SRPK2: variants seen among roughly 807,000 people sequenced by gnomAD.
SRPK2 encodes SRSF protein kinase 2, also known as SFRS protein kinase 2.
Under a neutral mutation model 90.8 loss-of-function variants are expected in SRPK2, and 21 were observed. The ratio of observed to expected loss-of-function variants is 0.23; its 90% CI spans 0.16 to 0.33. The LOEUF (loss-of-function observed/expected upper bound fraction) is 0.33, where lower values mean the gene tolerates loss of function less well. Ranked by LOEUF, SRPK2 falls within the 10% of genes least tolerant of loss-of-function variation. The pLI is 1.00. For synonymous variants in SRPK2, 288 were observed against 311.1 expected (o/e 0.93, Z 0.78); for missense variants, 620 against 869.0 (o/e 0.71, Z 3.60).
intron 2 of SRPK2, among the ~76,000 whole-genome samples, chr7:105,337,298 TAGTG>T (rs1815210881): frequency 6.6e-6 from 1 of 151,478 alleles, no homozygotes; most frequent in Admixed American, 6.6e-5. Context: ...GCATCAATGA[TAGTG>T]AGGCTCATGA....
intron 3 of SRPK2, among the ~76,000 whole-genome samples, chr7:105,178,358 GTCAA>G (rs1257182477): frequency 6.6e-6 from 1 of 152,172 alleles, no homozygotes; most frequent in African/African-American, 2.4e-5. Flanking sequence ...TTCAAAAGCA[GTCAA>G]TCAGAGAAGC....
At chr7:105,159,023 A>G (rs1191080779) in intron 7 of SRPK2, among the ~76,000 whole-genome samples, 5 of 152,170 alleles carry the variant, frequency 3.3e-5, no homozygotes, top group Non-Finnish European at 7.4e-5. Flanking sequence ...GCAAACAGAT[A>G]CAGTACTGAA....
At chr7:105,212,922 A>G (rs1285199551) in intron 2 of SRPK2, among the ~76,000 whole-genome samples, 2 of 152,194 alleles carry the variant, frequency 1.3e-5, no homozygotes, top group Admixed American at 6.5e-5. Flanking sequence ...ATTATTCCAT[A>G]AACAATTAGG....
chr7:105,171,357 T>C (rs1399499221), intron 3 of SRPK2, among the ~76,000 whole-genome samples: 2 of 152,268 alleles, frequency 1.3e-5, no homozygotes, highest in Admixed American at 1.3e-4. Flanking sequence ...TTTTTATCTA[T>C]GCTTTTTCAA....
rs1799721694 is a variant in SRPK2 at position 105,117,276 on chromosome 7, C to CA, written c.*561dup. 6.5e-6 allele frequency: 1 copy of CA among 153,656 alleles called. No homozygotes were observed. Among genetic ancestry groups the CA allele is most frequent in the Admixed American group, 6.5e-5 (1 of 15,308 alleles). 9.5% of individuals were successfully genotyped at this position (153,656 alleles called of 1,614,324 possible). A position where few individuals can be genotyped will look rare whatever the true frequency, so the allele number is the denominator to read the frequency against. ...AGTCCGCTACATGCAACATAGGCTA[C>CA]AAAGCACTCAAGACTTGGTAGCTTT... On this transcript the variant is annotated 3_prime_UTR_variant, in exon 16 of 16. Transcript: ENST00000393651.
intron 2 of SRPK2, among the ~76,000 whole-genome samples, chr7:105,283,987 G>A (rs553399306): frequency 1.3e-5 from 2 of 152,080 alleles, no homozygotes; most frequent in African/African-American, 2.4e-5. Flanking sequence ...GGGAGACAGG[G>A]ACCCTGTCTC....
chr7:105,388,775 G>C lies in SRPK2; in HGVS notation c.16+16C>G. On this transcript the variant is annotated intron_variant, in intron 1 of 15. Coordinates refer to ENST00000393651, the MANE Select transcript of SRPK2 (RefSeq NM_182692.3). ...TGGCCGCGTGGCGGGGAGAGGGCGC[G>C]CCGCGGGCCACTCACCTTTCCGGGA... 6.6e-7 allele frequency: 1 copy of C among 1,511,950 alleles called. No individual in the cohort carries two copies. The highest frequency in any genetic ancestry group is 1.2e-5 in the South Asian group (1 of 81,930). 93.7% of individuals were successfully genotyped at this position (1,511,950 alleles called of 1,614,324 possible).
At chr7:105,121,481 A>G (rs1042299079) in intron 15 of SRPK2, among the ~76,000 whole-genome samples, 3 of 152,106 alleles carry the variant, frequency 2.0e-5, no homozygotes, top group African/African-American at 7.2e-5. Context: ...TTAAAGTTCC[A>G]TTTCTAGCCT....
At chr7:105,297,505 C>T in intron 2 of SRPK2, 1 of 985,330 alleles carries the variant, frequency 1.0e-6, no homozygotes, top group Non-Finnish European at 1.2e-6. Flanking sequence ...TATCAACATC[C>T]TACAGCCCAT....
intron 2 of SRPK2, among the ~76,000 whole-genome samples, chr7:105,361,643 C>G (rs796438389): frequency 6.6e-6 from 1 of 152,262 alleles, no homozygotes; most frequent in African/African-American, 2.4e-5. Context: ...ATCAATGGAA[C>G]AGAACAGAGG....
chr7:105,326,001 C>T (rs1813540366), intron 2 of SRPK2, among the ~76,000 whole-genome samples: 1 of 152,324 alleles, frequency 6.6e-6, no homozygotes, highest in East Asian at 1.9e-4. Context: ...CGGTCCCCTG[C>T]CGGCGGGACA....
intron 2 of SRPK2, among the ~76,000 whole-genome samples, chr7:105,377,890 T>A (rs1820495955): frequency 6.6e-6 from 1 of 152,148 alleles, no homozygotes; most frequent in Admixed American, 6.5e-5. Context: ...TCTAGTGGAT[T>A]CTGGCCCCTT....
chr7:105,326,281 A>T (rs1490043689), intron 2 of SRPK2, among the ~76,000 whole-genome samples: 1 of 152,126 alleles, frequency 6.6e-6, no homozygotes, highest in Non-Finnish European at 1.5e-5. Context: ...TTTCACTTTT[A>T]CCACTCTATA....
At chr7:105,290,426 A>G (rs1585558571) in intron 2 of SRPK2, among the ~76,000 whole-genome samples, 1 of 152,270 alleles carries the variant, frequency 6.6e-6, no homozygotes, top group East Asian at 1.9e-4. Flanking sequence ...TGAGCCCAGG[A>G]GGCGGAGTTC....
In SRPK2 at chr7:105,314,468, C is replaced by A. The variant is rs931445625; in HGVS notation, c.71+74180G>T. 5.3e-5 allele frequency among the ~76,000 whole-genome samples: 8 copies of A among 152,064 alleles called. No homozygotes were observed. The East Asian group carries it at 1.5e-3, about 29-fold the overall frequency. On this transcript the variant is annotated intron_variant, in intron 2 of 15. Transcript: ENST00000393651. ...GTGGCAGAATCTCAGCTCACTGCAA[C>A]CTCTGCCTCCCAGGTTCAAGCAATT...
At chr7:105,132,706 C>A in intron 13 of SRPK2, 85 bp downstream of exon 13, 1 of 1,104,582 alleles carries the variant, frequency 9.1e-7, no homozygotes. Flanking sequence ...ACTGAGGTCG[C>A]ATGCCTCAGA....
intron 2 of SRPK2, among the ~76,000 whole-genome samples, chr7:105,284,999 A>G (rs1311221170): frequency 6.6e-6 from 1 of 152,182 alleles, no homozygotes; most frequent in African/African-American, 2.4e-5. Context: ...CTTTGTTATA[A>G]TAAAGTTACC....
intron 2 of SRPK2, among the ~76,000 whole-genome samples, chr7:105,312,547 T>C (rs1811838286): frequency 6.6e-6 from 1 of 151,484 alleles, no homozygotes; most frequent in South Asian, 2.1e-4. Flanking sequence ...CCAGAATAGG[T>C]AAATTTAATC....
At chr7:105,115,657 T>C (rs767919067), downstream of SRPK2, among the ~76,000 whole-genome samples, 1 of 152,318 alleles carries the variant, frequency 6.6e-6, no homozygotes, top group Non-Finnish European at 1.5e-5. Flanking sequence ...CTAATACAAA[T>C]GTATATTCCT....
Sources: allele counts gnomAD v4.1 joint callset (sites outside exome capture counted in the v4.1 genomes callset), GRCh38; gene constraint gnomAD v4.1.1; transcripts MANE v1.5; gene names NCBI Gene and HGNC (gene_info 2026-07-23, HGNC 2026-07-21).